Variants in MTOR observed in about 807,000 individuals in gnomAD.
The protein encoded by MTOR is serine/threonine-protein kinase mTOR.
A neutral mutation model predicts 319.8 loss-of-function variants in MTOR; 70 were observed. The observed-to-expected ratio is 0.22, with a 90% CI of 0.18 to 0.27. The LOEUF is 0.27. Among genes scored for constraint, MTOR ranks in the 10% least tolerant of loss-of-function variants. MTOR has a pLI of 1.00. For missense variants in MTOR, 1,890 were observed against 3,274.4 expected (o/e 0.58, Z 10.32); for synonymous variants, 1,183 against 1,211.4 (o/e 0.98, Z 0.49).
At chr1:11,209,251 T>A (rs1218520983) in intron 25 of MTOR, 61 bp downstream of exon 25, 7 of 1,603,818 alleles carry the variant, frequency 4.4e-6, no homozygotes, top group Non-Finnish European at 6.0e-6. Flanking sequence ...CAGTTAAAAG[T>A]TTTGAGTAAG....
rs199927903 is a variant in MTOR, at chr1:11,235,488, CA to C, written c.2209-1224del. ...GACAGAGTGAGATTCTGTCTCAAAA[CA>C]AAACAAAACACCAAAGCCTTTACCA... On this transcript the variant is annotated intron_variant, in intron 13 of 57. Coordinates refer to ENST00000361445, the MANE Select transcript of MTOR (RefSeq NM_004958.4). 7.8e-3 allele frequency among the ~76,000 whole-genome samples: 1,192 copies of C among 152,108 alleles called. 21 individuals carry two copies. Among genetic ancestry groups the C allele is most frequent in the African/African-American group, 0.027 (1,108 of 41,498 alleles).
At chr1:11,226,285 T>C (rs1426687274) in intron 19 of MTOR, 1 of 152,158 alleles carries the variant, frequency 6.6e-6, no homozygotes, top group African/African-American at 2.4e-5. Flanking sequence ...ATACTAGCAT[T>C]GGAACAATCT....
At chr1:11,205,685 C>T (rs751235784) in intron 25 of MTOR, among the ~76,000 whole-genome samples, 46 of 152,178 alleles carry the variant, frequency 3.0e-4, no homozygotes, top group Non-Finnish European at 5.9e-4. Flanking sequence ...AATGGCTTAG[C>T]CGGAATAAAG....
At chr1:11,157,023 G>C (rs371701378) in intron 30 of MTOR, 129 bp downstream of exon 30, 3 of 1,181,814 alleles carry the variant, frequency 2.5e-6, no homozygotes, top group Non-Finnish European at 1.2e-6. Flanking sequence ...TGATTCCTGA[G>C]AAGTATCAAG....
At chr1:11,262,348 C>G (rs910052084) in intron 1 of MTOR, 97 bp downstream of exon 1, 1 of 152,434 alleles carries the variant, frequency 6.6e-6, no homozygotes, top group Non-Finnish European at 1.5e-5. Context: ...CCCCACGTCC[C>G]AGACGGGCGG....
In MTOR at chr1:11,178,669, T is replaced by C. The variant is rs11808363; in HGVS notation, c.4254-11152A>G. 7.6e-3 allele frequency among the ~76,000 whole-genome samples: 1,152 copies of C among 152,278 alleles called. 15 individuals carry two copies. The highest frequency in any genetic ancestry group is 0.026 in the African/African-American group (1,092 of 41,564). ...ACATCCAGAGAGAAACAAAGAGCTC[T>C]GAGAGAGACTACTAGAAAGAAGCAG... On this transcript the variant is annotated intron_variant, in intron 28 of 57. Transcript: ENST00000361445.
chr1:11,253,908 C>T lies in MTOR; in HGVS notation c.771G>A (p.Arg257=), dbSNP rs1650028440. ...ETLAKEKGMN[R]DDRIHGALLI... The stretch of plus-strand genomic sequence containing the variant: ...ACAAGGCTCCATGGATCCGATCATC[C>T]CGATTCATGCCCTTCTCTTTGGCCA... Residue 257 remains arginine (R), a synonymous_variant, in exon 6 of 58, where the codon CGG becomes CGA. Coordinates refer to ENST00000361445, the MANE Select transcript of MTOR (RefSeq NM_004958.4). The T allele has an allele frequency of 3.7e-6, 6 of 1,614,068 alleles. No individual in the cohort carries two copies. The East Asian group carries it at 1.3e-4, about 36-fold the overall frequency.
intron 34 of MTOR, among the ~76,000 whole-genome samples, chr1:11,140,584 A>G (rs1245212273): frequency 6.6e-6 from 1 of 152,220 alleles, no homozygotes; most frequent in African/African-American, 2.4e-5. Context: ...GAGATGGTAT[A>G]GCATGGGTTT....
chr1:11,250,233 C>A (rs1569813356), intron 6 of MTOR, among the ~76,000 whole-genome samples: 1 of 129,384 alleles, frequency 7.7e-6, no homozygotes, highest in African/African-American at 3.0e-5. Context: ...GCTGACCCCC[C>A]ACCTCCCTCC....
At chr1:11,259,123 G>GT in intron 2 of MTOR, 125 bp downstream of exon 2, 3 of 1,173,078 alleles carry the variant, frequency 2.6e-6, no homozygotes, top group Non-Finnish European at 3.6e-6. Context: ...GACAGGTTGG[G>GT]TGCCTTTATA....
At position 11,127,909 on chromosome 1, in the gene MTOR, T is replaced by C. The variant is rs2100411011; in HGVS notation, c.6033+95A>G. ...TACTATTTCCAGCAGTCAGAGGAAG[T>C]GCACAGCACCAATGCGAGGAAGAAA... On this transcript the variant is annotated intron_variant, in intron 43 of 57. Transcript: ENST00000361445. This position sits in a 1 kb window ranked among gnomAD's most constrained non-coding sequence, Gnocchi z 5.5. 1 of 1,583,726 alleles carries C rather than the reference T, an allele frequency of 6.3e-7. No homozygotes were observed. The highest frequency in any genetic ancestry group is 8.6e-7 in the Non-Finnish European group (1 of 1,165,984).
chr1:11,121,167 A>C lies in MTOR; in HGVS notation c.6933+79T>G. 1 of 1,584,744 alleles carries C rather than the reference A, an allele frequency of 6.3e-7. No individual in the cohort carries two copies. The highest frequency in any genetic ancestry group is 8.6e-7 in the Non-Finnish European group (1 of 1,168,632). On this transcript the variant is annotated intron_variant, in intron 49 of 57. Coordinates refer to ENST00000361445, the MANE Select transcript of MTOR (RefSeq NM_004958.4). This position sits in a 1 kb window ranked among gnomAD's most constrained non-coding sequence, Gnocchi z 4.9. ...ACAGCAAAGAAGAGCCGCTGTGTGC[A>C]CATGAACAGATGGGAGGGCCATCCT... is the stretch of plus-strand genomic sequence containing the variant.
intron 36 of MTOR, among the ~76,000 whole-genome samples, chr1:11,135,808 G>A (rs754079418): frequency 6.6e-6 from 1 of 150,784 alleles, no homozygotes; most frequent in Non-Finnish European, 1.5e-5. Flanking sequence ...ATTCCAACCT[G>A]GGCAACAGAG....
chr1:11,143,799 T>C (rs1643825244), intron 34 of MTOR: 1 of 152,122 alleles, frequency 6.6e-6, no homozygotes, highest in Non-Finnish European at 1.5e-5. Flanking sequence ...ATTGCGGGGA[T>C]GGATTATGAT....
At position 11,130,532 on chromosome 1, in the gene MTOR, A is replaced by C; in HGVS notation, c.5610T>G (p.Thr1870=). The change falls in exon 39 of 58, where the codon ACT becomes ACG. Residue 1870 remains threonine (T), a synonymous_variant. Transcript: ENST00000361445. ...PTPSPLQKKV[T]EDLSKTLLMY... ...ATAAGGAAGAAGGGAAGGGTACCTC[A>C]GTGACCTTCTTCTGCAGCGGCGATG... 1.2e-6 allele frequency: 2 copies of C among 1,612,266 alleles called. No individual in the cohort carries two copies. Among genetic ancestry groups the C allele is most frequent in the South Asian group, 1.1e-5 (1 of 90,984 alleles).
At chr1:11,261,856 A>G (rs1651179906) in intron 1 of MTOR, among the ~76,000 whole-genome samples, 1 of 152,170 alleles carries the variant, frequency 6.6e-6, no homozygotes. Flanking sequence ...GTATCTTTAT[A>G]TGATCTGAGG....
chr1:11,171,746 G>A (rs2100629578), intron 28 of MTOR, among the ~76,000 whole-genome samples: 1 of 152,176 alleles, frequency 6.6e-6, no homozygotes, highest in African/African-American at 2.4e-5. Context: ...CTTTAAGAGA[G>A]AGTCCAGGCC....
rs2100505678 is a variant in MTOR at position 11,144,654 on chromosome 1, T to C, written c.4866A>G (p.Arg1622=). 1 of 1,613,984 alleles carries C rather than the reference T, an allele frequency of 6.2e-7. No individual in the cohort carries two copies. The highest frequency in any genetic ancestry group is 8.5e-7 in the Non-Finnish European group (1 of 1,179,948). ...REIIRQIWWE[R]LQGCQRIVED... is the part of the protein sequence containing the mutation. ...GGCTTTCTACCAAGCTCACCTGCAG[T>C]CTCTCCCACCAGATCTGGCGGATGA... Residue 1622 remains arginine, a synonymous_variant, in exon 34 of 58, where the codon AGA becomes AGG. Transcript: ENST00000361445.
In MTOR at chr1:11,199,716, A is replaced by G. The variant is rs1645897977; in HGVS notation, c.3945-13T>C. ...ATTGAAGAGATCCCTGAAGGCAGAG[A>G]AGGTGGAAAATGGAGAGACCTCCCG... On this transcript the variant is annotated splice_polypyrimidine_tract_variant and intron_variant, in intron 26 of 57. Transcript: ENST00000361445. The surrounding 1 kb of genome is among the most constrained non-coding windows in gnomAD (Gnocchi z 4.5). 4 of 1,612,688 alleles carry G rather than the reference A, an allele frequency of 2.5e-6. No individual in the cohort carries two copies. Among genetic ancestry groups the G allele is most frequent in the Non-Finnish European group, 3.4e-6 (4 of 1,178,900 alleles).
Sources: gnomAD v4.1 joint callset for allele counts (sites outside exome capture counted in the v4.1 genomes callset) on GRCh38, gnomAD v4.1.1 for gene constraint, Gnocchi (gnomAD v3.1) non-coding constraint, MANE v1.5 for transcripts, NCBI Gene and HGNC (gene_info 2026-07-23, HGNC 2026-07-21) for gene names.